ESRRG: variants seen among roughly 807,000 people sequenced by gnomAD.
The protein encoded by ESRRG is estrogen related receptor gamma.
Under a neutral mutation model 44.0 loss-of-function variants are expected in ESRRG, and 13 were observed. The observed-to-expected ratio is 0.30, with a 90% CI of 0.19 to 0.47. The LOEUF is 0.47. ESRRG is among the 20% of genes least tolerant of loss of function. ESRRG has a pLI of 1.00. For synonymous variants in ESRRG, 215 were observed against 214.6 expected, an observed-to-expected ratio of 1.00 and a Z score of -0.02; for missense variants, 395 against 580.6, an observed-to-expected ratio of 0.68 and a Z score of 3.29.
intron 2 of ESRRG, among the ~76,000 whole-genome samples, chr1:216,935,952 C>T (rs2064079709): frequency 6.6e-6 from 1 of 151,960 alleles, no homozygotes; most frequent in South Asian, 2.1e-4. Flanking sequence ...ATCCTGTAGG[C>T]ATGGTCGATT....
At chr1:217,137,162 G>A (rs2102564102) in intron 1 of ESRRG, among the ~76,000 whole-genome samples, 1 of 152,214 alleles carries the variant, frequency 6.6e-6, no homozygotes, top group South Asian at 2.1e-4. Flanking sequence ...GAGGTCAAAC[G>A]CCTAACCTCT....
chr1:216,731,752 G>A (rs774947626), intron 2 of ESRRG, among the ~76,000 whole-genome samples: 3 of 152,220 alleles, frequency 2.0e-5, no homozygotes, highest in African/African-American at 7.2e-5. Context: ...GGAGGGGCAT[G>A]AGGCCTGTAC....
At chr1:217,110,186 C>T (rs1502356) in intron 1 of ESRRG, among the ~76,000 whole-genome samples, 22,841 of 152,144 alleles carry the variant, frequency 0.15, 2,254 homozygotes, top group Non-Finnish European at 0.2. Context: ...CATGCACACG[C>T]CAAATATGGC....
At chr1:216,762,848 A>G (rs74347157) in intron 2 of ESRRG, among the ~76,000 whole-genome samples, 3,418 of 152,242 alleles carry the variant, frequency 0.022, 56 homozygotes, top group Non-Finnish European at 0.031. Context: ...AGGAAAGGGA[A>G]TACCAATATA....
intron 6 of ESRRG, among the ~76,000 whole-genome samples, chr1:216,509,883 T>C (rs1023079418): frequency 6.6e-6 from 1 of 152,188 alleles, no homozygotes; most frequent in Non-Finnish European, 1.5e-5. Flanking sequence ...CTAGTTCAAG[T>C]TCTGGATCTG....
intron 1 of ESRRG, among the ~76,000 whole-genome samples, chr1:217,045,788 C>A (rs1295896337): frequency 6.6e-6 from 1 of 151,882 alleles, no homozygotes; most frequent in African/African-American, 2.4e-5. Flanking sequence ...TGTTAAAATC[C>A]AACCCTGAAA....
rs1463580205 is a variant in ESRRG, at chr1:216,868,150, C to A, written c.-14+71432G>T. On this transcript the variant is annotated intron_variant, in intron 2 of 7. Coordinates refer to the ESRRG transcript ENST00000359162. ...TTGCCCAGGCTGGAGTGGAATGGAG[C>A]GATCTGGGCTCACTGCAACCTCCGC... Among the ~76,000 whole-genome samples the A allele has an allele frequency of 3.8e-5, 5 of 130,004 alleles. No individual in the cohort carries two copies. The Admixed American group carries it at 3.8e-4, about 10-fold the overall frequency. The allele number at this position is 130,004 out of a possible 152,430, so 85.3% of individuals were successfully genotyped here.
At chr1:216,936,388 A>G (rs2064152303) in intron 2 of ESRRG, among the ~76,000 whole-genome samples, 1 of 152,140 alleles carries the variant, frequency 6.6e-6, no homozygotes, top group Admixed American at 6.5e-5. Flanking sequence ...ATTCACAAGC[A>G]TATTACCATT....
At chr1:216,558,888 C>A (rs2030060) in intron 5 of ESRRG, among the ~76,000 whole-genome samples, 128,272 of 151,746 alleles carry the variant, frequency 0.85, 54,574 homozygotes, top group Middle Eastern at 0.88. Flanking sequence ...GTTTTTTTTG[C>A]GATGGAGTCT....
intron 2 of ESRRG, among the ~76,000 whole-genome samples, chr1:216,733,407 G>C (rs1016205290): frequency 4.6e-5 from 7 of 152,080 alleles, no homozygotes; most frequent in Non-Finnish European, 8.8e-5. Flanking sequence ...TTTGTGGTGA[G>C]AGCTTTCTAG....
intron 2 of ESRRG, among the ~76,000 whole-genome samples, chr1:216,760,860 G>A (rs1266285398): frequency 6.6e-6 from 1 of 152,086 alleles, no homozygotes; most frequent in Non-Finnish European, 1.5e-5. Flanking sequence ...TAGACATTAT[G>A]AGGTGGTGGG....
chr1:217,090,276 C>A (rs1006924373), upstream of ESRRG, among the ~76,000 whole-genome samples: 11 of 152,222 alleles, frequency 7.2e-5, no homozygotes, highest in African/African-American at 2.6e-4. Context: ...CGTCACCAAT[C>A]CCCGCCTGGG....
In ESRRG at chr1:216,761,196, G is replaced by A. The variant is rs915269555; in HGVS notation, c.-13-83705C>T. Among the ~76,000 whole-genome samples the A allele has an allele frequency of 8.6e-5, 13 of 151,006 alleles. No individual in the cohort carries two copies. In the South Asian group the frequency reaches 1.9e-3, roughly 22 times the overall value. On this transcript the variant is annotated intron_variant, in intron 2 of 7. Coordinates refer to the ESRRG transcript ENST00000359162. ...AAAATTTTCTTGTTCTAGAAATAAG[G>A]TGAGTTTTACTACCTTATACATACT... is the stretch of plus-strand genomic sequence containing the variant.
At chr1:216,982,489 C>T (rs184557407) in intron 1 of ESRRG, among the ~76,000 whole-genome samples, 1 of 152,110 alleles carries the variant, frequency 6.6e-6, no homozygotes, top group Admixed American at 6.5e-5. Flanking sequence ...ACAATGAGCA[C>T]CTGCCCAACC....
At chr1:216,683,011 A>C (rs1441063972) in intron 1 of ESRRG, among the ~76,000 whole-genome samples, 1 of 152,206 alleles carries the variant, frequency 6.6e-6, no homozygotes, top group Admixed American at 6.5e-5. Context: ...ATGAAGTGTC[A>C]TGTCAGAAAT....
intron 1 of ESRRG, among the ~76,000 whole-genome samples, chr1:217,015,488 TGGA>T (rs1323430799): frequency 6.6e-6 from 1 of 152,296 alleles, no homozygotes; most frequent in South Asian, 2.1e-4. Context: ...ATCATTCCAT[TGGA>T]GGAGGTTTAT....
chr1:217,126,896 C>T, intron 1 of ESRRG, among the ~76,000 whole-genome samples: 1 of 152,284 alleles, frequency 6.6e-6, no homozygotes, highest in Admixed American at 6.5e-5. Context: ...AAGCATTAGA[C>T]ATTGGATTGA....
At chr1:216,751,480 G>A (rs375685352) in intron 2 of ESRRG, among the ~76,000 whole-genome samples, 18 of 152,138 alleles carry the variant, frequency 1.2e-4, no homozygotes, top group Admixed American at 2.0e-4. Context: ...CATTTGGTGG[G>A]GGGTATTTTG....
At chr1:216,912,416 C>T (rs1364284772) in intron 2 of ESRRG, among the ~76,000 whole-genome samples, 1 of 152,050 alleles carries the variant, frequency 6.6e-6, no homozygotes, top group Non-Finnish European at 1.5e-5. Flanking sequence ...TGAAGTCTTA[C>T]AGTCATTCAA....
Sources: allele counts gnomAD v4.1 joint callset (sites outside exome capture counted in the v4.1 genomes callset), GRCh38; gene constraint gnomAD v4.1.1; transcripts MANE v1.5; gene names NCBI Gene and HGNC (gene_info 2026-07-23, HGNC 2026-07-21).